Variants in WDR70 observed in about 807,000 individuals in gnomAD.
WDR70 encodes WD repeat domain 70.
WDR70 carries 53 observed loss-of-function variants against 88.6 expected under a neutral mutation model. That is an observed-to-expected ratio of 0.60 (90% CI 0.48 to 0.75). WDR70 has a LOEUF of 0.75. WDR70 is among the 30% of genes least tolerant of loss of function. The probability of loss-of-function intolerance (pLI) is 0.00; values close to 1 mark genes in which losing one functional copy is unlikely to be tolerated. For missense variants in WDR70, 610 were observed against 823.2 expected, an observed-to-expected ratio of 0.74 and a Z score of 3.17; for synonymous variants, 280 against 270.0, an observed-to-expected ratio of 1.04 and a Z score of -0.36.
At chr5:37,609,256 C>A (rs1744119849) in intron 10 of WDR70, among the ~76,000 whole-genome samples, 1 of 152,024 alleles carries the variant, frequency 6.6e-6, no homozygotes, top group African/African-American at 2.4e-5. Flanking sequence ...TAATAACAGG[C>A]AAATTTTTAA....
rs77152193 is a variant in WDR70 at position 37,595,569 on chromosome 5, G to A, written c.918-9495G>A. On this transcript the variant is annotated intron_variant, in intron 9 of 17. Transcript: ENST00000265107. ...TCAATTAAATTCCAGTTGAATGTTTGGAGATAGAAATTGGATAAGCTGGTT... is the reference window on the plus strand; with the variant it reads ...TCAATTAAATTCCAGTTGAATGTTTAGAGATAGAAATTGGATAAGCTGGTT... Among the ~76,000 whole-genome samples the A allele has an allele frequency of 3.1e-3, 468 of 152,240 alleles. 2 individuals are homozygous for A. Among genetic ancestry groups the A allele is most frequent in the Admixed American group, 5.0e-3 (77 of 15,284 alleles).
intron 9 of WDR70, among the ~76,000 whole-genome samples, chr5:37,549,797 T>C (rs1742090979): frequency 6.6e-6 from 1 of 152,124 alleles, no homozygotes; most frequent in South Asian, 2.1e-4. Flanking sequence ...TTTTATTATG[T>C]TGAGGTATGT....
intron 8 of WDR70, among the ~76,000 whole-genome samples, chr5:37,514,909 G>A (rs1740841202): frequency 6.6e-6 from 1 of 151,924 alleles, no homozygotes; most frequent in Non-Finnish European, 1.5e-5. Context: ...CCAGTCACTT[G>A]GGAGGCTGAG....
At chr5:37,572,746 A>T (rs759824790) in intron 9 of WDR70, among the ~76,000 whole-genome samples, 1 of 152,222 alleles carries the variant, frequency 6.6e-6, no homozygotes. Flanking sequence ...AATCACCATC[A>T]GTTCTCAACA....
intron 5 of WDR70, among the ~76,000 whole-genome samples, chr5:37,436,157 C>T (rs1390786573): frequency 1.3e-5 from 2 of 151,898 alleles, no homozygotes; most frequent in African/African-American, 2.4e-5. Flanking sequence ...TAAAAATTAG[C>T]CAGGTAAAGA....
chr5:37,618,572 G>A (rs540754688), intron 10 of WDR70, among the ~76,000 whole-genome samples: 1 of 152,236 alleles, frequency 6.6e-6, no homozygotes, highest in African/African-American at 2.4e-5. Context: ...GTTTCATCAT[G>A]TTGGCCAGGC....
chr5:37,706,716 T>C (rs1414519372), intron 13 of WDR70, among the ~76,000 whole-genome samples: 3 of 149,894 alleles, frequency 2.0e-5, no homozygotes, highest in African/African-American at 7.4e-5. Context: ...AACAGAGTAA[T>C]ACACACACAC....
At position 37,581,727 on chromosome 5, in the gene WDR70, C is replaced by T. The variant is rs147912424; in HGVS notation, c.918-23337C>T. Among the ~76,000 whole-genome samples, 24 of 152,232 alleles carry T rather than the reference C, an allele frequency of 1.6e-4. No individual in the cohort carries two copies. In the East Asian group the frequency reaches 4.0e-3, roughly 26 times the overall value. On this transcript the variant is annotated intron_variant, in intron 9 of 17. Transcript: ENST00000265107. ...TCTCTGTAAAAAGTACACATATATACGATTTTAGGTACCTCGCAGACCCTT... is the reference window on the plus strand; with the variant it reads ...TCTCTGTAAAAAGTACACATATATATGATTTTAGGTACCTCGCAGACCCTT...
At chr5:37,428,738 T>C (rs1750211321) in intron 5 of WDR70, among the ~76,000 whole-genome samples, 1 of 152,218 alleles carries the variant, frequency 6.6e-6, no homozygotes, top group African/African-American at 2.4e-5. Flanking sequence ...CTTGTACAGG[T>C]CTTTTTGTAG....
intron 10 of WDR70, among the ~76,000 whole-genome samples, chr5:37,658,777 C>T (rs1434411734): frequency 6.6e-6 from 1 of 152,108 alleles, no homozygotes; most frequent in Non-Finnish European, 1.5e-5. Context: ...GGTCAAAAGT[C>T]CAGATTTTTG....
chr5:37,603,148 A>C (rs1408801533), intron 9 of WDR70, among the ~76,000 whole-genome samples: 3 of 151,550 alleles, frequency 2.0e-5, no homozygotes, highest in South Asian at 2.1e-4. Context: ...AAAAAAAAAA[A>C]CCCTAAAATT....
chr5:37,752,444 T>G lies in WDR70; in HGVS notation c.1878-42T>G, dbSNP rs1450897179. On this transcript the variant is annotated intron_variant, in intron 17 of 17. Transcript: ENST00000265107. ...GCAAAATCTAATGTAACAAATACTTTCTGACTAAATTTTTCCTTCTCTTCT... is the reference window on the plus strand; with the variant it reads ...GCAAAATCTAATGTAACAAATACTTGCTGACTAAATTTTTCCTTCTCTTCT... 3.3e-6 allele frequency: 5 copies of G among 1,514,340 alleles called. No homozygotes were observed. The Admixed American group carries it at 9.6e-5, about 29-fold the overall frequency. 93.8% of individuals were successfully genotyped at this position (1,514,340 alleles called of 1,614,324 possible).
At chr5:37,404,113 G>C (rs1322292230) in intron 5 of WDR70, among the ~76,000 whole-genome samples, 1 of 152,162 alleles carries the variant, frequency 6.6e-6, no homozygotes, top group Non-Finnish European at 1.5e-5. Context: ...CTTAGGTCCT[G>C]TACTCTGGAG....
chr5:37,382,592 A>G (rs1748461956), intron 3 of WDR70, among the ~76,000 whole-genome samples: 1 of 151,992 alleles, frequency 6.6e-6, no homozygotes, highest in South Asian at 2.1e-4. Flanking sequence ...TTGTATTTTT[A>G]GTAGAGATGG....
At position 37,388,307 on chromosome 5, in the gene WDR70, G is replaced by A. The variant is rs1368787703; in HGVS notation, c.176-3693G>A. Among the ~76,000 whole-genome samples, 10 of 151,530 alleles carry A rather than the reference G, an allele frequency of 6.6e-5. No homozygotes were observed. In the East Asian group the frequency reaches 2.0e-3, roughly 30 times the overall value. Reference sequence around the variant, plus strand: ...AATTTTTTGTATTTTTAGTAGAGACGGGGTTTCACCATGCTGGCCAGGCCG... The same window carrying A: ...AATTTTTTGTATTTTTAGTAGAGACAGGGTTTCACCATGCTGGCCAGGCCG... On this transcript the variant is annotated intron_variant, in intron 3 of 17. Transcript: ENST00000265107.
At chr5:37,742,175 T>C (rs1289397820) in intron 17 of WDR70, among the ~76,000 whole-genome samples, 2 of 152,172 alleles carry the variant, frequency 1.3e-5, no homozygotes, top group Admixed American at 6.5e-5. Flanking sequence ...CTGTTTTCCA[T>C]AGTGTCTGTG....
intron 9 of WDR70, among the ~76,000 whole-genome samples, chr5:37,599,984 G>T (rs574513705): frequency 6.1e-4 from 92 of 152,038 alleles, no homozygotes; most frequent in African/African-American, 2.1e-3. Flanking sequence ...TGTAAAGAAG[G>T]TCCTAAAGAA....
At chr5:37,410,862 T>A (rs927765570) in intron 5 of WDR70, among the ~76,000 whole-genome samples, 1 of 152,214 alleles carries the variant, frequency 6.6e-6, no homozygotes, top group South Asian at 2.1e-4. Context: ...AAACATCTAT[T>A]TCCATAAGAA....
At chr5:37,610,437 A>C (rs1398853017) in intron 10 of WDR70, among the ~76,000 whole-genome samples, 1 of 151,942 alleles carries the variant, frequency 6.6e-6, no homozygotes, top group Non-Finnish European at 1.5e-5. Context: ...TGCTTTTCAA[A>C]AAAAAAAGTT....
Sources: gnomAD v4.1 joint callset for allele counts (sites outside exome capture counted in the v4.1 genomes callset) on GRCh38, gnomAD v4.1.1 for gene constraint, MANE v1.5 for transcripts, NCBI Gene and HGNC (gene_info 2026-07-23, HGNC 2026-07-21) for gene names.